Variants in KDM4B observed in about 807,000 individuals in gnomAD.
KDM4B encodes lysine demethylase 4B.
KDM4B carries 32 observed loss-of-function variants against 125.2 expected under a neutral mutation model. The observed-to-expected ratio is 0.26, with a 90% CI of 0.19 to 0.34. The LOEUF (loss-of-function observed/expected upper bound fraction) is 0.34, where lower values mean the gene tolerates loss of function less well. Ranked by LOEUF, KDM4B falls within the 10% of genes least tolerant of loss-of-function variation. KDM4B has a pLI of 1.00. For missense variants in KDM4B, 1,190 were observed against 1,577.7 expected, an observed-to-expected ratio of 0.75 and a Z score of 4.16; for synonymous variants, 721 against 677.9, an observed-to-expected ratio of 1.06 and a Z score of -0.99.
chr19:5,001,536 T>C (rs2035385178), intron 1 of KDM4B, among the ~76,000 whole-genome samples: 1 of 152,234 alleles, frequency 6.6e-6, no homozygotes, highest in Admixed American at 6.5e-5. Context: ...CGAACTGTGC[T>C]GCCGTGAGTA....
At chr19:5,048,479 G>A (rs2037106622) in intron 6 of KDM4B, among the ~76,000 whole-genome samples, 1 of 152,186 alleles carries the variant, frequency 6.6e-6, no homozygotes, top group Non-Finnish European at 1.5e-5. Flanking sequence ...TCCCGGGGCC[G>A]CGCTCATGCC....
chr19:5,066,850 CG>C (rs562146173), intron 6 of KDM4B, among the ~76,000 whole-genome samples: 1 of 152,152 alleles, frequency 6.6e-6, no homozygotes, highest in Non-Finnish European at 1.5e-5. Flanking sequence ...GGAGTGGGTA[CG>C]GGGGGCAGAC....
Position 5,003,732 on chromosome 19 carries a change from C to T in KDM4B, c.-108-12525C>T, listed in dbSNP as rs148640442. 5.2e-3 allele frequency among the ~76,000 whole-genome samples: 799 copies of T among 152,206 alleles called. 39 individuals carry two copies. In the East Asian group the frequency reaches 0.12, roughly 24 times the overall value. ...GCTGAGTTAGGAGAATCGCTTGAACCCGGGAGGTGGAGGTTGTAGTGAGCT... is the reference window on the plus strand; with the variant it reads ...GCTGAGTTAGGAGAATCGCTTGAACTCGGGAGGTGGAGGTTGTAGTGAGCT... On this transcript the variant is annotated intron_variant, in intron 1 of 22. Coordinates refer to ENST00000159111, the MANE Select transcript of KDM4B (RefSeq NM_015015.3).
intron 11 of KDM4B, among the ~76,000 whole-genome samples, chr19:5,126,210 G>A (rs1393316985): frequency 3.3e-5 from 5 of 152,136 alleles, no homozygotes; most frequent in Non-Finnish European, 7.4e-5. Flanking sequence ...AGAGGTGCCT[G>A]GGGGGCGGTT....
At chr19:5,001,596 G>A (rs764464787) in intron 1 of KDM4B, among the ~76,000 whole-genome samples, 2 of 152,210 alleles carry the variant, frequency 1.3e-5, no homozygotes, top group African/African-American at 2.4e-5. Flanking sequence ...CTTCATGGTA[G>A]ATTTTCGTGA....
chr19:5,039,895 G>A lies in KDM4B; in HGVS notation c.201G>A (p.Val67=), dbSNP rs1244977956. ...RQTYDDIDDV[V]IPAPIQQVVT... is the part of the protein sequence containing the mutation. ...CGTATGATGACATCGACGACGTGGT[G>A]ATCCCGGCGCCCATCCAGCAGGTGG... is the stretch of plus-strand genomic sequence containing the variant. The change falls in exon 4 of 23, where the codon GTG becomes GTA. Residue 67 remains valine, a synonymous_variant. Coordinates refer to ENST00000159111, the MANE Select transcript of KDM4B (RefSeq NM_015015.3). The A allele has an allele frequency of 1.2e-6, 2 of 1,612,898 alleles. No homozygotes were observed. Among genetic ancestry groups the A allele is most frequent in the African/African-American group, 1.3e-5 (1 of 74,914 alleles).
intron 2 of KDM4B, among the ~76,000 whole-genome samples, chr19:5,023,112 G>C (rs1403806356): frequency 6.6e-6 from 1 of 152,112 alleles, no homozygotes; most frequent in Non-Finnish European, 1.5e-5. Context: ...TGTCCTCACC[G>C]GGTCCTCATG....
chr19:5,016,996 T>A (rs1466485171), intron 2 of KDM4B, among the ~76,000 whole-genome samples: 2 of 152,180 alleles, frequency 1.3e-5, no homozygotes, highest in Non-Finnish European at 2.9e-5. Context: ...AGCAGTGCAG[T>A]GTCCTCCCGT....
chr19:5,030,064 C>A (rs551339477), intron 2 of KDM4B, among the ~76,000 whole-genome samples: 1 of 152,160 alleles, frequency 6.6e-6, no homozygotes, highest in Non-Finnish European at 1.5e-5. Context: ...TCCAGACGAG[C>A]CCCCGCAACC....
At chr19:5,057,935 G>C (rs2037461621) in intron 6 of KDM4B, among the ~76,000 whole-genome samples, 1 of 152,254 alleles carries the variant, frequency 6.6e-6, no homozygotes. Context: ...AGGCCAGCAT[G>C]TGTGGTGTCC....
intron 11 of KDM4B, among the ~76,000 whole-genome samples, chr19:5,125,823 A>G (rs2039439418): frequency 1.4e-5 from 1 of 73,844 alleles, no homozygotes; most frequent in African/African-American, 5.7e-5. Flanking sequence ...CACGACAGAG[A>G]CTCCTGGGAA....
In KDM4B at chr19:5,146,952, A is replaced by C. The variant is rs2039860156; in HGVS notation, c.3021+2050A>C. Among the ~76,000 whole-genome samples the C allele has an allele frequency of 2.0e-5, 3 of 150,684 alleles. 1 individual carries two copies. The highest frequency in any genetic ancestry group is 3.9e-4 in the East Asian group (2 of 5,142). On this transcript the variant is annotated intron_variant, in intron 21 of 22. Coordinates refer to ENST00000159111, the MANE Select transcript of KDM4B (RefSeq NM_015015.3). The stretch of plus-strand genomic sequence containing the variant: ...AGACCCTGTCTCCAAAAAAAAAAAA[A>C]AAAAAAAAAACAAAAACTCTGCTGG...
In KDM4B at chr19:5,072,105, C is replaced by T. The variant is rs1020200858; in HGVS notation, c.676+1046C>T. ...CAGGAGCTCTCACCCAGCCTCAGTA[C>T]AGGCTCCCGGGACTGCCTGGTTGCT... is the stretch of plus-strand genomic sequence containing the variant. On this transcript the variant is annotated intron_variant, in intron 7 of 22. Transcript: ENST00000159111. 1.3e-3 allele frequency among the ~76,000 whole-genome samples: 201 copies of T among 152,348 alleles called. 1 individual carries two copies. Among genetic ancestry groups the T allele is most frequent in the African/African-American group, 4.6e-3 (193 of 41,578 alleles).
intron 11 of KDM4B, among the ~76,000 whole-genome samples, chr19:5,125,204 GACTA>G (rs1226033982): frequency 1.3e-5 from 2 of 152,184 alleles, no homozygotes; most frequent in African/African-American, 2.4e-5. Flanking sequence ...TCATTAATGT[GACTA>G]ACTGTTATTT....
intron 1 of KDM4B, among the ~76,000 whole-genome samples, chr19:4,991,758 C>G (rs976892398): frequency 4.6e-5 from 7 of 152,124 alleles, no homozygotes; most frequent in African/African-American, 1.4e-4. Context: ...CTCTGCTTCT[C>G]CCTTCTGTCA....
In KDM4B at chr19:5,081,547, C is replaced by T. The variant is rs897558098; in HGVS notation, c.781-820C>T. Among the ~76,000 whole-genome samples, 4 of 152,150 alleles carry T rather than the reference C, an allele frequency of 2.6e-5. No homozygotes were observed. Among genetic ancestry groups the T allele is most frequent in the African/African-American group, 4.8e-5 (2 of 41,432 alleles). ...TTGTGGGCCCCACCCCAGCCACGCA[C>T]GCCTCGGCTCCTCAGTTTAGGGGGT... On this transcript the variant is annotated intron_variant, in intron 8 of 22. Coordinates refer to ENST00000159111, the MANE Select transcript of KDM4B (RefSeq NM_015015.3). This position sits in a 1 kb window ranked among gnomAD's most constrained non-coding sequence, Gnocchi z 4.2.
chr19:5,123,166 G>A (rs984176743), intron 11 of KDM4B, among the ~76,000 whole-genome samples: 7 of 152,244 alleles, frequency 4.6e-5, no homozygotes, highest in Admixed American at 2.0e-4. Context: ...ACTGCTCCAC[G>A]CCCTGTGGCT....
intron 1 of KDM4B, among the ~76,000 whole-genome samples, chr19:4,976,654 A>G (rs559228011): frequency 4.0e-4 from 61 of 152,316 alleles, no homozygotes; most frequent in Non-Finnish European, 7.2e-4. Context: ...GGAGTCGCAG[A>G]TGGTGGTTTC....
intron 4 of KDM4B, among the ~76,000 whole-genome samples, chr19:5,040,616 A>G (rs1295882535): frequency 6.6e-6 from 1 of 152,106 alleles, no homozygotes; most frequent in Non-Finnish European, 1.5e-5. Flanking sequence ...CTGGTTCAGC[A>G]GGCACAGCCA....
Sources: gnomAD v4.1 joint callset for allele counts (sites outside exome capture counted in the v4.1 genomes callset) on GRCh38, gnomAD v4.1.1 for gene constraint, Gnocchi (gnomAD v3.1) non-coding constraint, MANE v1.5 for transcripts, NCBI Gene and HGNC (gene_info 2026-07-23, HGNC 2026-07-21) for gene names.